The following EXOC1 variants were observed in gnomAD, a reference collection of about 807,000 sequenced individuals.
The protein encoded by EXOC1 is SEC3-like 1.
In EXOC1, 67 loss-of-function variants were observed where a neutral mutation model predicts 107.7. That is an observed-to-expected ratio of 0.62 (90% CI 0.51 to 0.76). The LOEUF (loss-of-function observed/expected upper bound fraction) is 0.76. Ranked by LOEUF, EXOC1 falls within the 30% of genes least tolerant of loss-of-function variation. The pLI, the probability that EXOC1 is intolerant of heterozygous loss-of-function variation, is 0.00. For missense variants in EXOC1, 833 were observed against 1,055.7 expected, an observed-to-expected ratio of 0.79 and a Z score of 2.92; for synonymous variants, 348 against 353.5, an observed-to-expected ratio of 0.98 and a Z score of 0.17.
intron 9 of EXOC1, chr4:55,883,514 AT>A (rs1221610378): frequency 5.3e-6 from 1 of 188,222 alleles, no homozygotes; most frequent in Non-Finnish European, 1.1e-5. Context: ...GGAGAAATGT[AT>A]TTGTTCTGAT....
At chr4:55,890,459 T>C in intron 12 of EXOC1, 73 bp downstream of exon 12, 1 of 1,397,576 alleles carries the variant, frequency 7.2e-7, no homozygotes, top group Non-Finnish European at 9.9e-7. Context: ...TTGCTCTAAG[T>C]GTGTTCAAAG....
Position 55,877,937 on chromosome 4 carries a change from T to C in EXOC1, c.1095T>C (p.Thr365=), listed in dbSNP as rs748763378. The change falls in exon 9 of 19, where the codon ACT becomes ACC. Residue 365 remains threonine, a synonymous_variant. Transcript: ENST00000381295. ...TTTAGGGTCATGATCAGAGTTCGACTCTTGCCCAACACTCTGTTGAACTGA... is the reference window on the plus strand; with the variant it reads ...TTTAGGGTCATGATCAGAGTTCGACCCTTGCCCAACACTCTGTTGAACTGA... ...FVQQGHDQSS[T]LAQHSVELTL... The C allele has an allele frequency of 2.1e-5, 34 of 1,613,860 alleles. No homozygotes were observed. The highest frequency in any genetic ancestry group is 2.9e-5 in the Non-Finnish European group (34 of 1,179,874).
At chr4:55,890,154 A>G (rs1451306659) in intron 11 of EXOC1, 69 bp from the exon 12 acceptor site, 7 of 1,479,276 alleles carry the variant, frequency 4.7e-6, no homozygotes, top group Non-Finnish European at 5.6e-6. Flanking sequence ...TAGAAGATCT[A>G]TCCCTGCTTT....
At chr4:55,878,210 T>A in intron 9 of EXOC1, 144 bp downstream of exon 9, 1 of 923,824 alleles carries the variant, frequency 1.1e-6, no homozygotes, top group Non-Finnish European at 1.6e-6. Context: ...TTACCAGTGA[T>A]AACATTCATT....
intron 3 of EXOC1, 99 bp downstream of exon 3, chr4:55,860,640 T>C (rs1721389386): frequency 1.4e-6 from 2 of 1,388,152 alleles, no homozygotes; most frequent in Non-Finnish European, 1.9e-6. Flanking sequence ...CAAATTAATA[T>C]ATATGTTTGT....
intron 5 of EXOC1, chr4:55,868,828 C>T (rs538321908): frequency 4.2e-6 from 1 of 235,364 alleles, no homozygotes; most frequent in East Asian, 8.2e-5. Context: ...GCCTCTGAAA[C>T]ATGTCTGAAT....
rs142965595 is a variant in EXOC1, at chr4:55,866,731, T to C, written c.416-1605T>C. ...ATGGATCTTTCCACTTGGTAGTTGA[T>C]TTGGCTGTCTTTTGAACTTTAACAT... On this transcript the variant is annotated intron_variant, in intron 4 of 18. Transcript: ENST00000381295. 2.1e-3 allele frequency: 667 copies of C among 312,730 alleles called. 9 individuals are homozygous for C. Among genetic ancestry groups the C allele is most frequent in the African/African-American group, 0.014 (619 of 44,282 alleles). 19.4% of individuals were successfully genotyped at this position (312,730 alleles called of 1,614,324 possible).
At chr4:55,887,552 A>T (rs1430448903) in intron 10 of EXOC1, among the ~76,000 whole-genome samples, 2 of 152,020 alleles carry the variant, frequency 1.3e-5, no homozygotes, top group African/African-American at 4.8e-5. Context: ...TCAAATTATA[A>T]TTAATAGGCA....
intron 9 of EXOC1, among the ~76,000 whole-genome samples, chr4:55,882,122 G>GTAT (rs1723450980): frequency 8.8e-6 from 1 of 113,990 alleles, no homozygotes; most frequent in African/African-American, 3.5e-5. Context: ...TTGTTGTATT[G>GTAT]TGTTTTGTTT....
Position 55,902,345 on chromosome 4 carries a change from A to G in EXOC1, c.2339A>G (p.His780Arg), listed in dbSNP as rs145462381. The change falls in exon 18 of 19, where the codon CAT becomes CGT. Residue 780 changes from histidine (H) to arginine (R), a missense_variant and splice_region_variant. Transcript: ENST00000381295. Reference sequence around the variant, plus strand: ...TTGTTTCTTTTCATTTCCTTGAAGCATTTCTTTGAAGGTGTTGAAGCTCGC... The same window carrying G: ...TTGTTTCTTTTCATTTCCTTGAAGCGTTTCTTTGAAGGTGTTGAAGCTCGC... ...SLGQPLEKLN[H>R]FFEGVEARVA... The G allele has an allele frequency of 8.3e-6, 12 of 1,440,040 alleles. No homozygotes were observed. The highest frequency in any genetic ancestry group is 2.6e-5 in the East Asian group (1 of 38,030). 89.2% of individuals were successfully genotyped at this position (1,440,040 alleles called of 1,614,324 possible). A position where few individuals can be genotyped will look rare whatever the true frequency, so the allele number is the denominator to read the frequency against.
chr4:55,871,154 T>C lies in EXOC1; in HGVS notation c.885T>C (p.Leu295=). 1 of 1,613,942 alleles carries C rather than the reference T, an allele frequency of 6.2e-7. No homozygotes were observed. The highest frequency in any genetic ancestry group is 8.5e-7 in the Non-Finnish European group (1 of 1,179,884). ...GHIKALQEGD[L]ASSRGIEACT... ...TAAAGGCCCTTCAGGAAGGAGATCT[T>C]GCTTCTTCCAGAGGCATTGAGGCCT... The change falls in exon 7 of 19, where the codon CTT becomes CTC. Residue 295 remains leucine, a synonymous_variant. Transcript: ENST00000381295.
At chr4:55,855,437 T>C (rs1013884788) in intron 1 of EXOC1, among the ~76,000 whole-genome samples, 2 of 152,184 alleles carry the variant, frequency 1.3e-5, no homozygotes, top group African/African-American at 4.8e-5. Flanking sequence ...AGGGGAATCT[T>C]GGAGGAGCTA....
intron 4 of EXOC1, 31 bp from the exon 5 acceptor site, chr4:55,868,305 C>T: frequency 6.4e-7 from 1 of 1,568,578 alleles, no homozygotes; most frequent in Admixed American, 1.8e-5. Context: ...ACTTTTTTGA[C>T]TATTTTACTT....
At chr4:55,876,931 A>C (rs1577721013) in intron 8 of EXOC1, 21 of 985,128 alleles carry the variant, frequency 2.1e-5, no homozygotes, top group Non-Finnish European at 2.5e-5. Flanking sequence ...GGGTTTTTGT[A>C]CTTGGCATGT....
intron 4 of EXOC1, among the ~76,000 whole-genome samples, chr4:55,864,661 G>A (rs1021371280): frequency 3.3e-5 from 5 of 152,052 alleles, no homozygotes; most frequent in Non-Finnish European, 7.4e-5. Context: ...ACCTTTTTAA[G>A]ATAAAGAAAT....
At position 55,863,756 on chromosome 4, in the gene EXOC1, A is replaced by G. The variant is rs555674043; in HGVS notation, c.256-471A>G. Among the ~76,000 whole-genome samples, 5 of 152,322 alleles carry G rather than the reference A, an allele frequency of 3.3e-5. No individual in the cohort carries two copies. In the East Asian group the frequency reaches 9.6e-4, roughly 29 times the overall value. The stretch of plus-strand genomic sequence containing the variant: ...TCTTAGAAAGTACACCAGGATATAC[A>G]TTGCATTTTTCTCAAGTTTTATACT... On this transcript the variant is annotated intron_variant, in intron 3 of 18. Transcript: ENST00000381295.
intron 1 of EXOC1, among the ~76,000 whole-genome samples, chr4:55,857,074 C>A (rs976016646): frequency 6.6e-6 from 1 of 151,030 alleles, no homozygotes; most frequent in Non-Finnish European, 1.5e-5. Flanking sequence ...TCATACAATA[C>A]GTGGTCTTTT....
chr4:55,871,346 T>G, intron 7 of EXOC1, 113 bp downstream of exon 7: 1 of 1,300,042 alleles, frequency 7.7e-7, no homozygotes, highest in Non-Finnish European at 1.0e-6. Flanking sequence ...AGGGTTACAT[T>G]ATTAGCTATT....
chr4:55,896,772 G>T lies in EXOC1; in HGVS notation c.2009G>T (p.Gly670Val). ...AAGATCTCAAAAAAGAGTAAAGTTGGAATTCTTCCATTTGTTGCTGAATTT... is the reference window on the plus strand; with the variant it reads ...AAGATCTCAAAAAAGAGTAAAGTTGTAATTCTTCCATTTGTTGCTGAATTT... ...EVKISKKSKV[G>V]ILPFVAEFEE... The change falls in exon 16 of 19, where the codon GGA becomes GTA. Residue 670 changes from glycine (G) to valine (V), a missense_variant. By Grantham distance (109) the Gly-to-Val change is moderately radical (BLOSUM62 -3). Transcript: ENST00000381295. 6.2e-7 allele frequency: 1 copy of T among 1,610,446 alleles called. No homozygotes were observed. The highest frequency in any genetic ancestry group is 2.2e-5 in the East Asian group (1 of 44,648).
Sources: allele counts gnomAD v4.1 joint callset (sites outside exome capture counted in the v4.1 genomes callset), GRCh38; gene constraint gnomAD v4.1.1; transcripts MANE v1.5; gene names NCBI Gene and HGNC (gene_info 2026-07-23, HGNC 2026-07-21).